The following MSL2 variants were observed in gnomAD, a reference collection of about 807,000 sequenced individuals.
The protein encoded by MSL2 is MSL complex subunit 2.
A neutral mutation model predicts 35.8 loss-of-function variants in MSL2; 2 were observed. That is an observed-to-expected ratio of 0.06 (90% CI 0.02 to 0.18). MSL2 has a LOEUF of 0.18. MSL2 is among the 10% of genes least tolerant of loss of function. The probability of loss-of-function intolerance (pLI) is 1.00; values close to 1 mark genes in which losing one functional copy is unlikely to be tolerated. For synonymous variants in MSL2, 296 were observed against 255.7 expected (o/e 1.16, Z -1.50); for missense variants, 523 against 706.7 (o/e 0.74, Z 2.95).
intron 1 of MSL2, among the ~76,000 whole-genome samples, chr3:136,170,353 CA>C (rs563047729): frequency 3.2e-4 from 40 of 125,824 alleles, no homozygotes; most frequent in East Asian, 4.5e-4. Flanking sequence ...AAATCCCTCT[CA>C]AAAAAAAAAA....
intron 1 of MSL2, among the ~76,000 whole-genome samples, chr3:136,187,994 A>G (rs1346739725): frequency 2.0e-5 from 3 of 152,180 alleles, no homozygotes; most frequent in African/African-American, 7.2e-5. Flanking sequence ...CACATTCCTT[A>G]GCCTGGGATC....
chr3:136,172,093 G>T (rs556592579), intron 1 of MSL2, among the ~76,000 whole-genome samples: 95 of 152,246 alleles, frequency 6.2e-4, no homozygotes, highest in African/African-American at 2.2e-3. Context: ...TTACAGGCGT[G>T]AGCCACCGCA....
rs80115565 is a variant in MSL2, at chr3:136,159,020, C to T, written c.143-6282G>A. On this transcript the variant is annotated intron_variant, in intron 1 of 1. Coordinates refer to ENST00000309993, the MANE Select transcript of MSL2 (RefSeq NM_018133.4). ...ATATTGTCAAGATGGCAGTTTTCCC[C>T]AAAATTGATGTGTCTGTAAGTTCAA... 7.5e-3 allele frequency among the ~76,000 whole-genome samples: 1,143 copies of T among 152,246 alleles called. 19 individuals are homozygous for T. Among genetic ancestry groups the T allele is most frequent in the African/African-American group, 0.026 (1,078 of 41,532 alleles).
intron 1 of MSL2, among the ~76,000 whole-genome samples, chr3:136,176,980 C>T (rs951332870): frequency 1.3e-5 from 2 of 152,202 alleles, no homozygotes; most frequent in Non-Finnish European, 2.9e-5. Flanking sequence ...GACCAGAGAA[C>T]TCTCCTAAGA....
At chr3:136,170,800 G>C (rs1191548537) in intron 1 of MSL2, among the ~76,000 whole-genome samples, 1 of 152,082 alleles carries the variant, frequency 6.6e-6, no homozygotes, top group Non-Finnish European at 1.5e-5. Context: ...ACTGTGCCCA[G>C]CCTGTCCATA....
chr3:136,174,975 A>T (rs910255635), intron 1 of MSL2, among the ~76,000 whole-genome samples: 1 of 152,216 alleles, frequency 6.6e-6, no homozygotes. Flanking sequence ...GGAATGTAAT[A>T]GCAATAAACC....
intron 1 of MSL2, among the ~76,000 whole-genome samples, chr3:136,160,742 G>A (rs1207427148): frequency 6.6e-6 from 1 of 150,788 alleles, no homozygotes; most frequent in Non-Finnish European, 1.5e-5. Flanking sequence ...TCGGTAAAAT[G>A]ACAATATAAT....
At chr3:136,164,771 A>AT (rs1396485113) in intron 1 of MSL2, among the ~76,000 whole-genome samples, 1 of 152,246 alleles carries the variant, frequency 6.6e-6, no homozygotes, top group African/African-American at 2.4e-5. Flanking sequence ...AGATTCTCCT[A>AT]TAAAAACTGT....
At chr3:136,168,728 C>A (rs1019707644) in intron 1 of MSL2, among the ~76,000 whole-genome samples, 1 of 151,614 alleles carries the variant, frequency 6.6e-6, no homozygotes, top group Non-Finnish European at 1.5e-5. Flanking sequence ...ACGTTCTGCA[C>A]ATGTATCCCA....
rs1469581921 is a variant in MSL2, at chr3:136,195,933, C to CG, written c.-821dup. 1.8e-6 allele frequency: 1 copy of CG among 552,756 alleles called. No individual in the cohort carries two copies. Among genetic ancestry groups the CG allele is most frequent in the Non-Finnish European group, 2.3e-6 (1 of 436,150 alleles). The allele number at this position is 552,756 out of a possible 1,614,324, so 34.2% of individuals were successfully genotyped here. On this transcript the variant is annotated 5_prime_UTR_variant, in exon 1 of 2. Coordinates refer to ENST00000309993, the MANE Select transcript of MSL2 (RefSeq NM_018133.4). ...CCCCTCGCGCCTCAGTCGCACACTC[C>CG]GGGGTCACCAGACTCAAGCGCCGCC...
chr3:136,152,728 T>C lies in MSL2; in HGVS notation c.153A>G (p.Leu51=), dbSNP rs772519872. Reference sequence around the variant, plus strand: ...AGTTGGTGGGTGCAATAGGATCTTGTAGCAAATGTCCTAAGGGGGAGAAGG... The same window carrying C: ...AGTTGGTGGGTGCAATAGGATCTTGCAGCAAATGTCCTAAGGGGGAGAAGG... ...SLSCCVCGHL[L]QDPIAPTNST... Residue 51 remains leucine, a synonymous_variant, in exon 2 of 2, where the codon CTA becomes CTG. Transcript: ENST00000309993. The C allele has an allele frequency of 1.9e-6, 3 of 1,613,836 alleles. No homozygotes were observed. The highest frequency in any genetic ancestry group is 2.2e-5 in the East Asian group (1 of 44,874).
intron 1 of MSL2, among the ~76,000 whole-genome samples, chr3:136,176,771 GA>G (rs1452435875): frequency 1.3e-5 from 2 of 152,090 alleles, no homozygotes; most frequent in East Asian, 3.9e-4. Flanking sequence ...CTTCTGCCAT[GA>G]TTGGAAGCTT....
chr3:136,194,527 G>GC (rs1471740469), intron 1 of MSL2: 1 of 800,072 alleles, frequency 1.2e-6, no homozygotes, highest in Non-Finnish European at 1.5e-6. Flanking sequence ...CATCAGCTTA[G>GC]CCCACCACTC....
Position 136,164,168 on chromosome 3 carries a change from T to C in MSL2, c.143-11430A>G, listed in dbSNP as rs74677870. Among the ~76,000 whole-genome samples the C allele has an allele frequency of 8.0e-3, 1,217 of 152,326 alleles. 25 individuals are homozygous for C. Among genetic ancestry groups the C allele is most frequent in the African/African-American group, 0.027 (1,107 of 41,576 alleles). ...GTAAATAAGAGCAAGAATCAAGTAT[T>C]TGTCCTAATTTAACTTTAGGAAATA... On this transcript the variant is annotated intron_variant, in intron 1 of 1. Coordinates refer to ENST00000309993, the MANE Select transcript of MSL2 (RefSeq NM_018133.4).
At chr3:136,171,950 G>T (rs1940037367) in intron 1 of MSL2, among the ~76,000 whole-genome samples, 1 of 152,064 alleles carries the variant, frequency 6.6e-6, no homozygotes, top group Admixed American at 6.6e-5. Flanking sequence ...AGGATGAAGT[G>T]CAGTGTCATG....
At chr3:136,165,908 C>G (rs1220397360) in intron 1 of MSL2, among the ~76,000 whole-genome samples, 2 of 151,646 alleles carry the variant, frequency 1.3e-5, no homozygotes, top group Admixed American at 6.6e-5. Flanking sequence ...TGGAATTGTT[C>G]GTAACACAAA....
At chr3:136,156,633 GGC>G (rs1939532697) in intron 1 of MSL2, among the ~76,000 whole-genome samples, 1 of 152,208 alleles carries the variant, frequency 6.6e-6, no homozygotes, top group Non-Finnish European at 1.5e-5. Context: ...GGGAGGCCAA[GGC>G]AGGCGGATCA....
At chr3:136,181,441 C>T (rs913015454) in intron 1 of MSL2, among the ~76,000 whole-genome samples, 34 of 152,110 alleles carry the variant, frequency 2.2e-4, no homozygotes, top group African/African-American at 8.2e-4. Context: ...TTCACATTAC[C>T]TCATTTTAAA....
intron 1 of MSL2, among the ~76,000 whole-genome samples, chr3:136,183,046 T>G (rs1407623217): frequency 1.3e-5 from 2 of 152,124 alleles, no homozygotes; most frequent in Non-Finnish European, 2.9e-5. Context: ...TCCAAGTAAC[T>G]TAGCCTCATC....
Sources: gnomAD v4.1 joint callset for allele counts (sites outside exome capture counted in the v4.1 genomes callset) on GRCh38, gnomAD v4.1.1 for gene constraint, MANE v1.5 for transcripts, NCBI Gene and HGNC (gene_info 2026-07-23, HGNC 2026-07-21) for gene names.